MRPL3: variants seen among roughly 807,000 people sequenced by gnomAD.
MRPL3 encodes mitochondrial ribosomal protein L3, also known as large ribosomal subunit protein uL3m.
Under a neutral mutation model 44.3 loss-of-function variants are expected in MRPL3, and 43 were observed. That is an observed-to-expected ratio of 0.97 (90% CI 0.76 to 1.25). MRPL3 has a LOEUF of 1.25. Ranked by LOEUF, MRPL3 falls within the 50% of genes most tolerant of loss-of-function variation. The pLI is 0.00. For synonymous variants in MRPL3, 171 were observed against 152.3 expected, an observed-to-expected ratio of 1.12 and a Z score of -0.91; for missense variants, 406 against 427.6, an observed-to-expected ratio of 0.95 and a Z score of 0.45.
intron 3 of MRPL3, among the ~76,000 whole-genome samples, chr3:131,500,104 G>T (rs1002581944): frequency 6.6e-6 from 1 of 152,096 alleles, no homozygotes; most frequent in East Asian, 1.9e-4. Context: ...GGAGTTGAAA[G>T]AACTCCATAA....
At chr3:131,480,225 C>T (rs969556183) in intron 6 of MRPL3, among the ~76,000 whole-genome samples, 1 of 152,192 alleles carries the variant, frequency 6.6e-6, no homozygotes, top group Non-Finnish European at 1.5e-5. Flanking sequence ...CACATAGCAT[C>T]TCTACTGAAG....
intron 9 of MRPL3, among the ~76,000 whole-genome samples, chr3:131,467,280 C>A (rs1161954802): frequency 7.2e-5 from 11 of 151,928 alleles, no homozygotes; most frequent in African/African-American, 2.7e-4. Context: ...ACACCCACCA[C>A]ATCTTCTTTA....
rs576154138 is a variant in MRPL3, at chr3:131,485,831, A to G, written c.629+1849T>C. On this transcript the variant is annotated intron_variant, in intron 6 of 9. Coordinates refer to ENST00000264995, the MANE Select transcript of MRPL3 (RefSeq NM_007208.4). ...CATCTTAACCATGTGAAGGAAAGTG[A>G]TACTAGCACTCCCCCAGTTTCTTTT... Among the ~76,000 whole-genome samples the G allele has an allele frequency of 2.0e-5, 3 of 152,328 alleles. No individual in the cohort carries two copies. In the South Asian group the frequency reaches 6.2e-4, roughly 32 times the overall value.
intron 4 of MRPL3, among the ~76,000 whole-genome samples, chr3:131,491,446 T>C (rs575003490): frequency 6.6e-6 from 1 of 152,282 alleles, no homozygotes; most frequent in East Asian, 1.9e-4. Flanking sequence ...GAACTATACA[T>C]TCACATGTCC....
intron 9 of MRPL3, among the ~76,000 whole-genome samples, chr3:131,466,390 T>C (rs995423083): frequency 2.0e-5 from 3 of 152,088 alleles, no homozygotes; most frequent in Non-Finnish European, 4.4e-5. Flanking sequence ...GTAAGAAAAT[T>C]TGTATTAGGT....
At position 131,496,264 on chromosome 3, in the gene MRPL3, A is replaced by AT. The variant is rs1447598751; in HGVS notation, c.468+1914dup. On this transcript the variant is annotated intron_variant, in intron 4 of 9. Coordinates refer to ENST00000264995, the MANE Select transcript of MRPL3 (RefSeq NM_007208.4). ...AAATTTTTAAAAAGTCAAACACTTG[A>AT]TTTTTTTAAAAAGTTCCCATAAATA... 3.3e-5 allele frequency among the ~76,000 whole-genome samples: 5 copies of AT among 152,302 alleles called. No individual in the cohort carries two copies. In the East Asian group the frequency reaches 7.7e-4, roughly 23 times the overall value.
intron 6 of MRPL3, among the ~76,000 whole-genome samples, chr3:131,482,510 G>T (rs182840408): frequency 2.8e-5 from 4 of 144,890 alleles, no homozygotes; most frequent in Non-Finnish European, 4.5e-5. Context: ...GCAAGACTCC[G>T]TCTCAAAAAA....
chr3:131,464,940 C>G (rs7622001), intron 9 of MRPL3, among the ~76,000 whole-genome samples: 18 of 152,084 alleles, frequency 1.2e-4, no homozygotes, highest in Non-Finnish European at 2.4e-4. Flanking sequence ...TACGGAGTCA[C>G]TGGAAGAACG....
rs571918975 is a variant in MRPL3, at chr3:131,468,478, T to C, written c.817-310A>G. The stretch of plus-strand genomic sequence containing the variant: ...ACAATAACAAGTGGAAATTCAATTT[T>C]ATTTTATTTTTAGTTAATACTAGCT... On this transcript the variant is annotated intron_variant, in intron 8 of 9. Coordinates refer to ENST00000264995, the MANE Select transcript of MRPL3 (RefSeq NM_007208.4). Among the ~76,000 whole-genome samples, 3 of 152,260 alleles carry C rather than the reference T, an allele frequency of 2.0e-5. No homozygotes were observed. In the South Asian group the frequency reaches 6.2e-4, roughly 32 times the overall value.
In MRPL3 at chr3:131,471,178, G is replaced by A. The variant is rs1345444612; in HGVS notation, c.731C>T (p.Ala244Val). Reference protein sequence around the residue: ...TKTHRRPGAVATGDIGRVWPG... With the variant: ...TKTHRRPGAVVTGDIGRVWPG... ...TTCACTAGTTATACTCACACCAGTT[G>A]CAACAGCTCCAGGTCTCCTGTGGGT... The change falls in exon 7 of 10, where the codon GCA becomes GTA. Residue 244 changes from alanine to valine, a missense_variant. Transcript: ENST00000264995. 6.2e-7 allele frequency: 1 copy of A among 1,610,096 alleles called. No homozygotes were observed. Among genetic ancestry groups the A allele is most frequent in the Non-Finnish European group, 8.5e-7 (1 of 1,176,902 alleles).
chr3:131,469,321 A>T (rs576765340), intron 8 of MRPL3, among the ~76,000 whole-genome samples: 2 of 151,876 alleles, frequency 1.3e-5, no homozygotes, highest in African/African-American at 4.8e-5. Flanking sequence ...TGGCACAGCA[A>T]CATACACACG....
chr3:131,465,269 A>G (rs1933574875), intron 9 of MRPL3, among the ~76,000 whole-genome samples: 1 of 152,226 alleles, frequency 6.6e-6, no homozygotes, highest in Non-Finnish European at 1.5e-5. Context: ...CAGTGATGGC[A>G]AACTATTATC....
Position 131,462,746 on chromosome 3 carries a change from C to T in MRPL3, c.1024G>A (p.Ala342Thr), listed in dbSNP as rs1166326589. The stretch of plus-strand genomic sequence containing the variant: ...TGTTAGGCAAATGTAATAGAAGGCG[C>T]ACCGGGCTGACACACGTTTTCATCA... ...LYDENVCQPGAPSITFA is the reference protein window; with the variant it reads ...LYDENVCQPGTPSITFA The change falls in exon 10 of 10, where the codon GCG (alanine) becomes ACG (threonine). Residue 342 changes from alanine (A) to threonine (T), a missense_variant. Transcript: ENST00000264995. 1 of 1,611,522 alleles carries T rather than the reference C, an allele frequency of 6.2e-7. No homozygotes were observed. Among genetic ancestry groups the T allele is most frequent in the Non-Finnish European group, 8.5e-7 (1 of 1,178,582 alleles).
chr3:131,498,267 C>G lies in MRPL3; in HGVS notation c.380G>C (p.Cys127Ser). Residue 127 changes from cysteine to serine, a missense_variant, in exon 4 of 10, where the codon TGT becomes TCT. Coordinates refer to ENST00000264995, the MANE Select transcript of MRPL3 (RefSeq NM_007208.4). Reference protein sequence around the residue: ...HVVTLLQVQDCHVLKYTSKEN... With the variant: ...HVVTLLQVQDSHVLKYTSKEN... ...CTTTGACGTATATTTTAAGACATGA[C>G]AGTCTTGTACCTAAAAAAACAAACA... is the stretch of plus-strand genomic sequence containing the variant. The G allele has an allele frequency of 6.3e-7, 1 of 1,598,024 alleles. No homozygotes were observed. Among genetic ancestry groups the G allele is most frequent in the South Asian group, 1.1e-5 (1 of 89,646 alleles).
At chr3:131,483,543 A>C (rs1934043004) in intron 6 of MRPL3, among the ~76,000 whole-genome samples, 1 of 152,186 alleles carries the variant, frequency 6.6e-6, no homozygotes, top group Non-Finnish European at 1.5e-5. Flanking sequence ...CTCACACCCT[A>C]ACGTGACACT....
At chr3:131,468,061 A>AT in intron 9 of MRPL3, 30 bp downstream of exon 9, 2 of 1,072,672 alleles carry the variant, frequency 1.9e-6, no homozygotes, top group Non-Finnish European at 2.6e-6. Flanking sequence ...AAAAAAAAAA[A>AT]GGAAAAAAAA....
chr3:131,494,987 T>C (rs2110713298), intron 4 of MRPL3, among the ~76,000 whole-genome samples: 1 of 152,288 alleles, frequency 6.6e-6, no homozygotes, highest in East Asian at 1.9e-4. Flanking sequence ...ATTTAATCAA[T>C]GTTTAAGGCC....
chr3:131,478,122 G>C (rs1933896541), intron 6 of MRPL3, among the ~76,000 whole-genome samples: 1 of 152,112 alleles, frequency 6.6e-6, no homozygotes, highest in East Asian at 1.9e-4. Context: ...TCTCTCATGG[G>C]CAAGAGAGAA....
intron 4 of MRPL3, among the ~76,000 whole-genome samples, chr3:131,491,785 T>C (rs1664557421): frequency 6.6e-6 from 1 of 152,084 alleles, no homozygotes. Flanking sequence ...GCCTCCAAAC[T>C]GGTCTCCAAG....
Sources: allele counts gnomAD v4.1 joint callset (sites outside exome capture counted in the v4.1 genomes callset), GRCh38; gene constraint gnomAD v4.1.1; transcripts MANE v1.5; gene names NCBI Gene and HGNC (gene_info 2026-07-23, HGNC 2026-07-21).